The following SCG3 variants were observed in gnomAD, a reference collection of about 807,000 sequenced individuals.
The protein encoded by SCG3 is secretogranin-3.
In SCG3, 38 loss-of-function variants were observed where a neutral mutation model predicts 56.2. That is an observed-to-expected ratio of 0.68 (90% CI 0.52 to 0.89). The LOEUF is 0.89. SCG3 is among the 40% of genes least tolerant of loss of function. The pLI is 0.00. For synonymous variants in SCG3, 176 were observed against 184.2 expected, an observed-to-expected ratio of 0.96 and a Z score of 0.36; for missense variants, 524 against 540.7, an observed-to-expected ratio of 0.97 and a Z score of 0.31.
chr15:51,709,674 TATATATATATATATATATATATATATA>T (rs1470972656), intron 10 of SCG3, among the ~76,000 whole-genome samples: 5 of 10,360 alleles, frequency 4.8e-4, no homozygotes, highest in African/African-American at 6.7e-4. Context: ...TATATATATA[TATATATATATATATATATATATATATA>T]TTTTTTTTTT....
At chr15:51,694,508 A>T (rs1595832188) in intron 7 of SCG3, among the ~76,000 whole-genome samples, 1 of 152,210 alleles carries the variant, frequency 6.6e-6, no homozygotes, top group Non-Finnish European at 1.5e-5. Context: ...TCTGCGGGGG[A>T]GGATGAAGAG....
chr15:51,698,817 G>T (rs2055320898), intron 8 of SCG3, among the ~76,000 whole-genome samples: 1 of 151,552 alleles, frequency 6.6e-6, no homozygotes, highest in South Asian at 2.1e-4. Flanking sequence ...TCTACCAGTG[G>T]TCCTACCATT....
chr15:51,696,122 A>C, intron 8 of SCG3, 131 bp downstream of exon 8: 1 of 702,168 alleles, frequency 1.4e-6, no homozygotes, highest in East Asian at 2.6e-5. Context: ...AGAATCGACC[A>C]GTTTGATAAT....
At chr15:51,714,055 G>A (rs755302129) in intron 11 of SCG3, among the ~76,000 whole-genome samples, 5 of 152,142 alleles carry the variant, frequency 3.3e-5, no homozygotes, top group South Asian at 4.2e-4. Context: ...TGAATCTGCC[G>A]AGTGAGGAGA....
In SCG3 at chr15:51,692,159, A is replaced by G. The variant is rs772007121; in HGVS notation, c.691A>G (p.Thr231Ala). Residue 231 changes from threonine to alanine, a missense_variant and splice_region_variant, in exon 7 of 12, where the codon ACT (threonine) becomes GCT (alanine). Thr to Ala is a moderately conservative substitution (Grantham distance 58). Coordinates refer to ENST00000220478, the MANE Select transcript of SCG3 (RefSeq NM_013243.4). ...NQAGKIPEKV[T>A]PMAAIQDGLA... ...TTTTATTGATTTTTCCCCACTGGAG[A>G]CTCCAATGGCAGCAATTCAAGATGG... The G allele has an allele frequency of 1.4e-5, 23 of 1,599,916 alleles. No individual in the cohort carries two copies. The highest frequency in any genetic ancestry group is 8.5e-6 in the Non-Finnish European group (10 of 1,173,714).
intron 4 of SCG3, among the ~76,000 whole-genome samples, chr15:51,687,621 CAT>C (rs1343622305): frequency 6.6e-6 from 1 of 152,188 alleles, no homozygotes; most frequent in East Asian, 1.9e-4. Context: ...ATTCCGGGCA[CAT>C]AAACTACAGT....
intron 8 of SCG3, among the ~76,000 whole-genome samples, chr15:51,696,907 G>T (rs2055307382): frequency 6.6e-6 from 1 of 152,098 alleles, no homozygotes. Flanking sequence ...AGTGTTGGGG[G>T]AACAAATATC....
chr15:51,690,665 C>G (rs936114752), intron 6 of SCG3, among the ~76,000 whole-genome samples: 5 of 151,612 alleles, frequency 3.3e-5, no homozygotes, highest in Non-Finnish European at 5.9e-5. Flanking sequence ...AAAAAAAAAC[C>G]CTTATGACTT....
intron 10 of SCG3, among the ~76,000 whole-genome samples, chr15:51,710,204 C>A (rs2055411837): frequency 6.6e-6 from 1 of 151,992 alleles, no homozygotes; most frequent in South Asian, 2.1e-4. Context: ...GCAGAGGGTA[C>A]ATCAGCAAAC....
rs74015719 is a variant in SCG3, at chr15:51,719,298, G to A, written c.1289-110G>A. ...AAATGCCTCCCGATGTGAAAGATGG[G>A]GAATGGTAATTGTGTTATTGTATAA... On this transcript the variant is annotated intron_variant, in intron 11 of 11. Coordinates refer to ENST00000220478, the MANE Select transcript of SCG3 (RefSeq NM_013243.4). The A allele has an allele frequency of 2.6e-4, 187 of 725,554 alleles. No homozygotes were observed. In the African/African-American group the frequency reaches 3.1e-3, roughly 12 times the overall value. 44.9% of individuals were successfully genotyped at this position (725,554 alleles called of 1,614,324 possible).
At chr15:51,691,942 T>C (rs1319577221) in intron 6 of SCG3, among the ~76,000 whole-genome samples, 2 of 148,494 alleles carry the variant, frequency 1.3e-5, no homozygotes, top group Non-Finnish European at 1.5e-5. Flanking sequence ...CTTCAGGGGG[T>C]TTTCCCTGAG....
At chr15:51,701,358 A>C in intron 10 of SCG3, 114 bp downstream of exon 10, 1 of 1,073,596 alleles carries the variant, frequency 9.3e-7, no homozygotes. Context: ...AATTGACACA[A>C]TCTGTATAGA....
intron 10 of SCG3, among the ~76,000 whole-genome samples, chr15:51,703,788 C>T (rs1179997975): frequency 3.9e-5 from 6 of 152,082 alleles, no homozygotes; most frequent in Admixed American, 3.9e-4. Context: ...TATAATTTTT[C>T]CTTAATGTAT....
At chr15:51,700,202 A>T (rs1420706597) in intron 9 of SCG3, among the ~76,000 whole-genome samples, 2 of 152,210 alleles carry the variant, frequency 1.3e-5, no homozygotes, top group Non-Finnish European at 2.9e-5. Context: ...GCGAAGAACA[A>T]AATTGTACCA....
At chr15:51,683,159 A>G in intron 3 of SCG3, 35 bp downstream of exon 3, 2 of 1,601,118 alleles carry the variant, frequency 1.2e-6, no homozygotes, top group Non-Finnish European at 1.7e-6. Flanking sequence ...AATTTAAATA[A>G]TGTAGGCTAT....
At chr15:51,682,323 T>A (rs1160216707) in intron 1 of SCG3, among the ~76,000 whole-genome samples, 194 bp from the exon 2 acceptor site, 1 of 152,058 alleles carries the variant, frequency 6.6e-6, no homozygotes, top group Non-Finnish European at 1.5e-5. Context: ...TACACCAAGA[T>A]AATAAACAAG....
At chr15:51,718,325 A>C (rs1351100944) in intron 11 of SCG3, among the ~76,000 whole-genome samples, 2 of 152,100 alleles carry the variant, frequency 1.3e-5, no homozygotes, top group African/African-American at 4.8e-5. Context: ...TTCCCTTTCA[A>C]TCCTCATGGC....
chr15:51,695,802 T>C (rs1485102219), intron 7 of SCG3, 73 bp from the exon 8 acceptor site: 7 of 829,672 alleles, frequency 8.4e-6, no homozygotes, highest in African/African-American at 5.3e-5. Flanking sequence ...AAAAAGATGC[T>C]GTACTTTATA....
At chr15:51,705,194 G>A (rs560469289) in intron 10 of SCG3, among the ~76,000 whole-genome samples, 19 of 152,152 alleles carry the variant, frequency 1.2e-4, no homozygotes, top group African/African-American at 3.6e-4. Context: ...TATAGCAATC[G>A]TATTTCCCTA....
Sources: allele counts gnomAD v4.1 joint callset (sites outside exome capture counted in the v4.1 genomes callset), GRCh38; gene constraint gnomAD v4.1.1; transcripts MANE v1.5; gene names NCBI Gene and HGNC (gene_info 2026-07-23, HGNC 2026-07-21).